The following PAN3 variants were observed in gnomAD, a reference collection of about 807,000 sequenced individuals.
PAN3 encodes the protein PAN2-PAN3 deadenylation complex subunit PAN3.
Under a neutral mutation model 96.2 loss-of-function variants are expected in PAN3, and 19 were observed. The ratio of observed to expected loss-of-function variants is 0.20; its 90% CI spans 0.14 to 0.29. The LOEUF (loss-of-function observed/expected upper bound fraction) is 0.29, where lower values mean the gene tolerates loss of function less well. Ranked by LOEUF, PAN3 falls within the 10% of genes least tolerant of loss-of-function variation. PAN3 has a pLI of 1.00. For synonymous variants in PAN3, 433 were observed against 406.6 expected (o/e 1.06, Z -0.78); for missense variants, 882 against 1,108.1 (o/e 0.80, Z 2.90).
At chr13:28,177,821 TAC>T in intron 3 of PAN3, 42 bp from the exon 4 acceptor site, 1 of 1,504,854 alleles carries the variant, frequency 6.6e-7, no homozygotes, top group Non-Finnish European at 9.2e-7. Context: ...ATTTGCGGGT[TAC>T]CCAAGTTTTA....
Position 28,181,918 on chromosome 13 carries a change from A to T in PAN3, c.690+3983A>T, listed in dbSNP as rs375365015. Among the ~76,000 whole-genome samples, 15 of 152,326 alleles carry T rather than the reference A, an allele frequency of 9.8e-5. No homozygotes were observed. The East Asian group carries it at 1.7e-3, about 18-fold the overall frequency. ...ATTAGGAATGCCTAATTTTATAGAG[A>T]GAAAAAGTAACCATTATTTGAGGTT... On this transcript the variant is annotated intron_variant, in intron 4 of 18. Transcript: ENST00000380958.
intron 13 of PAN3, among the ~76,000 whole-genome samples, chr13:28,271,326 G>A (rs1167267155): frequency 6.6e-6 from 1 of 152,102 alleles, no homozygotes; most frequent in African/African-American, 2.4e-5. Flanking sequence ...CATGCTTTGA[G>A]AACAACTGGT....
chr13:28,211,128 T>C (rs1053779827), intron 5 of PAN3, among the ~76,000 whole-genome samples: 2 of 152,172 alleles, frequency 1.3e-5, no homozygotes, highest in South Asian at 2.1e-4. Context: ...CTCAGACTCT[T>C]GGCCTTGAGC....
At chr13:28,195,058 G>C (rs543556481) in intron 4 of PAN3, among the ~76,000 whole-genome samples, 1 of 152,246 alleles carries the variant, frequency 6.6e-6, no homozygotes, top group Non-Finnish European at 1.5e-5. Context: ...TATAGACATA[G>C]AGAGTAACTA....
chr13:28,223,110 A>G (rs1369708028), intron 6 of PAN3, among the ~76,000 whole-genome samples: 1 of 152,234 alleles, frequency 6.6e-6, no homozygotes, highest in Non-Finnish European at 1.5e-5. Flanking sequence ...CCCTGAGTGA[A>G]TCACATTGCT....
chr13:28,246,458 A>G (rs1015049443), intron 6 of PAN3, among the ~76,000 whole-genome samples: 2 of 152,058 alleles, frequency 1.3e-5, no homozygotes, highest in African/African-American at 4.8e-5. Context: ...CTTCTCTTCT[A>G]GCTATTTTGA....
chr13:28,284,919 C>T (rs1385741953), intron 17 of PAN3, among the ~76,000 whole-genome samples: 2 of 152,040 alleles, frequency 1.3e-5, no homozygotes, highest in African/African-American at 4.8e-5. Flanking sequence ...GCATATTTAT[C>T]GTGTTTAAAC....
At chr13:28,166,086 CAA>C (rs1873502452) in intron 1 of PAN3, among the ~76,000 whole-genome samples, 1 of 152,212 alleles carries the variant, frequency 6.6e-6, no homozygotes, top group Admixed American at 6.5e-5. Context: ...CCAGTAGTCT[CAA>C]AAGTCTTCCA....
chr13:28,218,917 G>A (rs1881095497), intron 5 of PAN3, among the ~76,000 whole-genome samples: 1 of 152,118 alleles, frequency 6.6e-6, no homozygotes, highest in African/African-American at 2.4e-5. Context: ...AGATATCAAT[G>A]GCTTTTATCT....
intron 6 of PAN3, among the ~76,000 whole-genome samples, chr13:28,243,006 C>T (rs1019799448): frequency 5.6e-4 from 85 of 152,176 alleles, no homozygotes; most frequent in African/African-American, 2.0e-3. Flanking sequence ...ATATGGTAAA[C>T]TTTTGTATTT....
intron 6 of PAN3, among the ~76,000 whole-genome samples, chr13:28,246,267 T>C (rs1884175454): frequency 6.6e-6 from 1 of 152,174 alleles, no homozygotes; most frequent in Non-Finnish European, 1.5e-5. Flanking sequence ...TTTTAAATCA[T>C]TGTGTGGTTT....
At chr13:28,144,718 CTTTTTT>C (rs1555267660) in intron 1 of PAN3, among the ~76,000 whole-genome samples, 4 of 46,782 alleles carry the variant, frequency 8.6e-5, no homozygotes, top group African/African-American at 1.4e-4. Context: ...AAAACATCAT[CTTTTTT>C]TTTTTTTTTT....
intron 6 of PAN3, among the ~76,000 whole-genome samples, chr13:28,228,730 G>A (rs976078693): frequency 1.3e-5 from 2 of 152,026 alleles, no homozygotes; most frequent in African/African-American, 4.8e-5. Context: ...ATTAGTATTG[G>A]TGTAAAGGGT....
intron 1 of PAN3, among the ~76,000 whole-genome samples, chr13:28,152,646 G>A (rs1359608852): frequency 1.3e-5 from 2 of 151,988 alleles, no homozygotes; most frequent in South Asian, 2.1e-4. Flanking sequence ...TTTGTGAGAC[G>A]AACATTCAGT....
chr13:28,291,510 G>A (rs1332053396), intron 18 of PAN3, among the ~76,000 whole-genome samples: 1 of 152,170 alleles, frequency 6.6e-6, no homozygotes, highest in Non-Finnish European at 1.5e-5. Context: ...CTCATTTGCT[G>A]TGGGGTTGCT....
chr13:28,232,130 T>C (rs1316369717), intron 6 of PAN3, among the ~76,000 whole-genome samples: 2 of 152,206 alleles, frequency 1.3e-5, no homozygotes, highest in South Asian at 2.1e-4. Flanking sequence ...AAGAATACTT[T>C]ATTTGTAATA....
chr13:28,197,291 C>T lies in PAN3; in HGVS notation c.797C>T (p.Ser266Leu). 6.2e-7 allele frequency: 1 copy of T among 1,611,930 alleles called. No homozygotes were observed. The highest frequency in any genetic ancestry group is 8.5e-7 in the Non-Finnish European group (1 of 1,178,966). The change falls in exon 5 of 19, where the codon TCA becomes TTA. Residue 266 changes from serine to leucine, a missense_variant. Ser to Leu is a moderately radical substitution (Grantham distance 145). Transcript: ENST00000380958. The stretch of plus-strand genomic sequence containing the variant: ...GGCTGCCTTGCTGACAGGTGTAAAT[C>T]AGGAGTACCCATCAATATGGTTTGG... ...PIGCLADRCK[S>L]GVPINMVWWN... is the part of the protein sequence containing the mutation.
chr13:28,251,102 G>GT (rs1398970045), intron 6 of PAN3, among the ~76,000 whole-genome samples: 8 of 152,002 alleles, frequency 5.3e-5, no homozygotes, highest in South Asian at 2.1e-4. Flanking sequence ...ATCTTTTGAT[G>GT]TTTTTTCCCT....
rs1375668127 is a variant in PAN3 at position 28,156,014 on chromosome 13, C to T, written c.430+16927C>T. The stretch of plus-strand genomic sequence containing the variant: ...ATGCTAGTAAGTGATATGATAAGAT[C>T]TGTGTTTTACCACCCCCAAAGCTGG... On this transcript the variant is annotated intron_variant, in intron 1 of 18. Transcript: ENST00000380958. Among the ~76,000 whole-genome samples, 6 of 152,140 alleles carry T rather than the reference C, an allele frequency of 3.9e-5. No individual in the cohort carries two copies. In the East Asian group the frequency reaches 1.2e-3, roughly 29 times the overall value.
Sources: allele counts gnomAD v4.1 joint callset (sites outside exome capture counted in the v4.1 genomes callset), GRCh38; gene constraint gnomAD v4.1.1; transcripts MANE v1.5; gene names NCBI Gene and HGNC (gene_info 2026-07-23, HGNC 2026-07-21).